DAD1: variants seen among roughly 807,000 people sequenced by gnomAD.
The protein encoded by DAD1 is defender against cell death 1.
In DAD1, 4 loss-of-function variants were observed where a neutral mutation model predicts 9.0. The ratio of observed to expected loss-of-function variants is 0.44; its 90% CI spans 0.22 to 1.01. The LOEUF (loss-of-function observed/expected upper bound fraction) is 1.01. DAD1 is among the 50% of genes least tolerant of loss of function. The pLI is 0.24. For synonymous variants in DAD1, 60 were observed against 62.5 expected (o/e 0.96, Z 0.19); for missense variants, 119 against 137.3 (o/e 0.87, Z 0.67).
chr14:22,580,196 T>A (rs1029854448), intron 1 of DAD1, among the ~76,000 whole-genome samples: 73 of 151,942 alleles, frequency 4.8e-4, no homozygotes, highest in African/African-American at 1.6e-3. Context: ...GGTGGGAGGA[T>A]CGCTTGAGCC....
intron 2 of DAD1, among the ~76,000 whole-genome samples, chr14:22,566,002 G>A (rs1444336938): frequency 1.3e-5 from 2 of 152,140 alleles, no homozygotes; most frequent in Admixed American, 1.3e-4. Flanking sequence ...GCTGCCCCAG[G>A]AGGAAAAAGG....
At chr14:22,569,102 C>T in intron 2 of DAD1, among the ~76,000 whole-genome samples, 1 of 152,182 alleles carries the variant, frequency 6.6e-6, no homozygotes, top group Non-Finnish European at 1.5e-5. Context: ...GTTTTAGCAT[C>T]CAAGTAACTT....
intron 1 of DAD1, among the ~76,000 whole-genome samples, chr14:22,575,949 A>G (rs2037075094): frequency 6.6e-6 from 1 of 152,214 alleles, no homozygotes; most frequent in Admixed American, 6.5e-5. Context: ...CAGAGACCAC[A>G]GGGCAGAGCC....
At chr14:22,578,960 G>A (rs1193652007) in intron 1 of DAD1, among the ~76,000 whole-genome samples, 1 of 152,158 alleles carries the variant, frequency 6.6e-6, no homozygotes, top group African/African-American at 2.4e-5. Context: ...CAACAACAAA[G>A]GGTCCGGGCT....
chr14:22,586,275 G>A (rs1346968494), intron 1 of DAD1, among the ~76,000 whole-genome samples: 1 of 151,654 alleles, frequency 6.6e-6, no homozygotes, highest in Non-Finnish European at 1.5e-5. Context: ...GCCGGGCACA[G>A]TGACTCACAC....
At chr14:22,581,262 C>T (rs1298538384) in intron 1 of DAD1, among the ~76,000 whole-genome samples, 2 of 152,110 alleles carry the variant, frequency 1.3e-5, no homozygotes, top group African/African-American at 4.8e-5. Flanking sequence ...GAGATATGTA[C>T]TATGAAGAAA....
intron 2 of DAD1, 139 bp downstream of exon 2, chr14:22,574,920 A>C: frequency 1.5e-6 from 1 of 646,324 alleles, no homozygotes; most frequent in South Asian, 2.2e-5. Context: ...ATATTAATGC[A>C]TACTTTGCAG....
rs768253359 is a variant in DAD1 at position 22,589,164 on chromosome 14, A to G, written c.-7T>C. 3 of 1,614,142 alleles carry G rather than the reference A, an allele frequency of 1.9e-6. No individual in the cohort carries two copies. Among genetic ancestry groups the G allele is most frequent in the Non-Finnish European group, 2.5e-6 (3 of 1,179,984 alleles). On this transcript the variant is annotated 5_prime_UTR_variant, in exon 1 of 3. Coordinates refer to ENST00000250498, the MANE Select transcript of DAD1 (RefSeq NM_001344.4). ...ACACTACCGACGCCGACATAACTGC[A>G]CGCAAGGTACTCCGGTCCGCGCCCC...
intron 1 of DAD1, among the ~76,000 whole-genome samples, chr14:22,583,037 T>C (rs965112188): frequency 1.2e-4 from 18 of 145,650 alleles, no homozygotes; most frequent in African/African-American, 3.9e-4. Context: ...ACAACCAACA[T>C]TGACACCACG....
At chr14:22,579,685 GA>G (rs953798635) in intron 1 of DAD1, among the ~76,000 whole-genome samples, 4 of 150,250 alleles carry the variant, frequency 2.7e-5, no homozygotes, top group South Asian at 2.1e-4. Flanking sequence ...TTGTAAAGTT[GA>G]AAAAAAAATT....
At chr14:22,577,431 T>C (rs1312707442) in intron 1 of DAD1, among the ~76,000 whole-genome samples, 2 of 152,058 alleles carry the variant, frequency 1.3e-5, no homozygotes, top group Admixed American at 6.6e-5. Context: ...AGAAACTCCA[T>C]CTGGGAGGTT....
At chr14:22,580,658 A>G (rs1365947071) in intron 1 of DAD1, among the ~76,000 whole-genome samples, 1 of 152,176 alleles carries the variant, frequency 6.6e-6, no homozygotes, top group Non-Finnish European at 1.5e-5. Context: ...TGGTAACCAG[A>G]TTATTTCAAT....
intron 2 of DAD1, among the ~76,000 whole-genome samples, chr14:22,571,498 T>A (rs918140029): frequency 1.3e-5 from 2 of 151,846 alleles, no homozygotes; most frequent in African/African-American, 4.8e-5. Context: ...TTTCTGGGGG[T>A]CAGAAGCTCA....
At chr14:22,572,000 T>G (rs956715205) in intron 2 of DAD1, among the ~76,000 whole-genome samples, 9 of 152,176 alleles carry the variant, frequency 5.9e-5, no homozygotes, top group African/African-American at 1.9e-4. Context: ...CCTCGTGAAA[T>G]TATTCTGAAA....
At chr14:22,572,309 C>T (rs8018837) in intron 2 of DAD1, among the ~76,000 whole-genome samples, 14,091 of 152,086 alleles carry the variant, frequency 0.093, 1,203 homozygotes, top group African/African-American at 0.22. Context: ...TTACTTGGAA[C>T]TATTTTTAAA....
At chr14:22,585,972 C>G (rs1282451364) in intron 1 of DAD1, among the ~76,000 whole-genome samples, 1 of 151,180 alleles carries the variant, frequency 6.6e-6, no homozygotes, top group African/African-American at 2.4e-5. Flanking sequence ...TTTAGGAGGC[C>G]GAGGCGGGCG....
At chr14:22,571,625 C>CTTTTTTTTTTTTTTTTTTTTTTTT (rs869205395) in intron 2 of DAD1, among the ~76,000 whole-genome samples, 1 of 109,828 alleles carries the variant, frequency 9.1e-6, no homozygotes, top group Non-Finnish European at 1.8e-5. Context: ...GCAAGGGGCT[C>CTTTTTTTTTTTTTTTTTTTTTTTT]TTTTTTTTTT....
chr14:22,583,035 C>T (rs1365781492), intron 1 of DAD1, among the ~76,000 whole-genome samples: 5 of 141,854 alleles, frequency 3.5e-5, no homozygotes, highest in Non-Finnish European at 7.6e-5. Context: ...CCACAACCAA[C>T]ATTGACACCA....
intron 1 of DAD1, among the ~76,000 whole-genome samples, chr14:22,577,327 G>A (rs1452855097): frequency 6.6e-6 from 1 of 152,142 alleles, no homozygotes. Flanking sequence ...CCAGCTACTA[G>A]GGAAGCTGAG....
Sources: allele counts gnomAD v4.1 joint callset (sites outside exome capture counted in the v4.1 genomes callset), GRCh38; gene constraint gnomAD v4.1.1; transcripts MANE v1.5; gene names NCBI Gene and HGNC (gene_info 2026-07-23, HGNC 2026-07-21).